Variants in MYRFL observed in about 807,000 individuals in gnomAD.
MYRFL encodes the protein myelin regulatory factor like.
Under a neutral mutation model 109.4 loss-of-function variants are expected in MYRFL, and 88 were observed. The observed-to-expected ratio is 0.80, with a 90% CI of 0.68 to 0.96. The LOEUF (loss-of-function observed/expected upper bound fraction) is 0.96, where lower values mean the gene tolerates loss of function less well. MYRFL is among the 40% of genes least tolerant of loss of function. The pLI is 0.00. For missense variants in MYRFL, 957 were observed against 954.9 expected (o/e 1.00, Z -0.03); for synonymous variants, 324 against 320.9 (o/e 1.01, Z -0.10).
chr12:69,940,121 A>G (rs1175807159), intron 19 of MYRFL, among the ~76,000 whole-genome samples: 1 of 151,940 alleles, frequency 6.6e-6, no homozygotes, highest in African/African-American at 2.4e-5. Flanking sequence ...AAGTTGGAAA[A>G]CACTCTGCAG....
intron 8 of MYRFL, among the ~76,000 whole-genome samples, chr12:69,895,050 T>G (rs576277628): frequency 3.3e-5 from 5 of 152,318 alleles, no homozygotes; most frequent in African/African-American, 1.2e-4. Flanking sequence ...ATGAAAGGTT[T>G]TCTTTCCCCA....
rs183742491 is a variant in MYRFL, at chr12:69,931,731, G to C, written c.1831-782G>C. On this transcript the variant is annotated intron_variant, in intron 15 of 24. Coordinates refer to ENST00000552032, the MANE Select transcript of MYRFL (RefSeq NM_182530.3). ...CATATTTAAGTAGCACCTCATTTAA[G>C]TGGGCAGAAAACTTCTATCTCTTCA... Among the ~76,000 whole-genome samples the C allele has an allele frequency of 3.4e-4, 52 of 152,232 alleles. No individual in the cohort carries two copies. The East Asian group carries it at 8.9e-3, about 26-fold the overall frequency.
chr12:69,901,120 T>C (rs544219788), intron 10 of MYRFL, among the ~76,000 whole-genome samples: 4 of 152,222 alleles, frequency 2.6e-5, no homozygotes, highest in Non-Finnish European at 5.9e-5. Flanking sequence ...ACAGCTAGTT[T>C]GTGTTATAAC....
At chr12:69,935,065 T>G (rs1955403654) in intron 16 of MYRFL, among the ~76,000 whole-genome samples, 2 of 152,086 alleles carry the variant, frequency 1.3e-5, no homozygotes, top group African/African-American at 4.8e-5. Flanking sequence ...CACTATAAAC[T>G]CTCTCTGACA....
intron 1 of MYRFL, among the ~76,000 whole-genome samples, chr12:69,844,790 C>T (rs1247147294): frequency 2.0e-5 from 3 of 152,284 alleles, no homozygotes; most frequent in African/African-American, 2.4e-5. Flanking sequence ...TGTTCTTTTG[C>T]TTGGCTCAGA....
At chr12:69,926,907 A>T (rs570688598) in intron 14 of MYRFL, among the ~76,000 whole-genome samples, 173 bp downstream of exon 14, 1 of 67,386 alleles carries the variant, frequency 1.5e-5, no homozygotes, top group African/African-American at 5.8e-5. Flanking sequence ...TGATGTGATA[A>T]CTTTCTTAGT....
intron 6 of MYRFL, among the ~76,000 whole-genome samples, chr12:69,890,629 G>A (rs1324213797): frequency 6.6e-6 from 1 of 152,182 alleles, no homozygotes; most frequent in African/African-American, 2.4e-5. Flanking sequence ...AGCTTACTCA[G>A]GAGGTTGAGG....
At chr12:69,901,915 A>G (rs1440535838) in intron 10 of MYRFL, among the ~76,000 whole-genome samples, 1 of 130,710 alleles carries the variant, frequency 7.7e-6, no homozygotes, top group African/African-American at 2.8e-5. Context: ...TTTTCTTGAG[A>G]CAGAGTATTG....
At chr12:69,865,687 G>C (rs910072076) in intron 2 of MYRFL, among the ~76,000 whole-genome samples, 1 of 152,074 alleles carries the variant, frequency 6.6e-6, no homozygotes, top group Admixed American at 6.6e-5. Context: ...CTACCTGGGA[G>C]GTCTGAAATC....
In MYRFL at chr12:69,959,056, A is replaced by C. The variant is rs1008278309; in HGVS notation, c.*525A>C. 1 of 153,604 alleles carries C rather than the reference A, an allele frequency of 6.5e-6. No homozygotes were observed. Among genetic ancestry groups the C allele is most frequent in the African/African-American group, 2.4e-5 (1 of 41,456 alleles). The allele number at this position is 153,604 out of a possible 1,614,324, so 9.5% of individuals were successfully genotyped here. ...ATTGTATAAACACATACACTAGAGT[A>C]CAGAATGTAGTTTGTTAATCAAATG... is the stretch of plus-strand genomic sequence containing the variant. On this transcript the variant is annotated 3_prime_UTR_variant, in exon 25 of 25. Coordinates refer to ENST00000552032, the MANE Select transcript of MYRFL (RefSeq NM_182530.3).
chr12:69,925,209 G>A (rs538736916), intron 13 of MYRFL, among the ~76,000 whole-genome samples: 3 of 152,280 alleles, frequency 2.0e-5, no homozygotes, highest in African/African-American at 7.2e-5. Context: ...GTAATTATGG[G>A]AATGAGGTCT....
chr12:69,869,172 CAGT>C (rs1378788770), intron 2 of MYRFL, among the ~76,000 whole-genome samples: 1 of 152,228 alleles, frequency 6.6e-6, no homozygotes, highest in Non-Finnish European at 1.5e-5. Context: ...TAATCCCTGC[CAGT>C]AGCTCCCCAA....
intron 1 of MYRFL, among the ~76,000 whole-genome samples, chr12:69,852,041 A>T (rs1883906911): frequency 6.6e-6 from 1 of 152,350 alleles, no homozygotes; most frequent in African/African-American, 2.4e-5. Context: ...CTAGCTTTAA[A>T]GTCCACGAGT....
chr12:69,888,469 A>T (rs892244370), intron 6 of MYRFL, among the ~76,000 whole-genome samples: 2 of 152,212 alleles, frequency 1.3e-5, no homozygotes, highest in Non-Finnish European at 2.9e-5. Context: ...TTTCTGAATT[A>T]TGTTTCAATG....
chr12:69,849,073 T>C (rs961139389), intron 1 of MYRFL, among the ~76,000 whole-genome samples: 1 of 151,658 alleles, frequency 6.6e-6, no homozygotes, highest in Non-Finnish European at 1.5e-5. Context: ...GGTTTCACCA[T>C]GTTTGCCAGG....
In MYRFL at chr12:69,924,657, G is replaced by C. The variant is rs142180759; in HGVS notation, c.1603-1914G>C. ...CTAGATATTGCTAAATTCTACTCCA[G>C]ATGGTTTTATCAATTTGTTATTTGG... On this transcript the variant is annotated intron_variant, in intron 13 of 24. Transcript: ENST00000552032. Among the ~76,000 whole-genome samples the C allele has an allele frequency of 7.1e-3, 1,078 of 152,298 alleles. 10 individuals are homozygous for C. The highest frequency in any genetic ancestry group is 0.024 in the South Asian group (117 of 4,826).
At chr12:69,927,070 G>A (rs187218346) in intron 14 of MYRFL, among the ~76,000 whole-genome samples, 6 of 149,388 alleles carry the variant, frequency 4.0e-5, no homozygotes, top group Admixed American at 2.0e-4. Flanking sequence ...TCAACCTCCC[G>A]AGTAGCTGGG....
intron 22 of MYRFL, 46 bp downstream of exon 22, chr12:69,955,483 G>A: frequency 1.8e-6 from 1 of 545,900 alleles, no homozygotes; most frequent in Non-Finnish European, 3.2e-6. Flanking sequence ...ATCATTAGTT[G>A]AATATGAAGT....
At chr12:69,838,716 G>A (rs968488412) in intron 1 of MYRFL, among the ~76,000 whole-genome samples, 2 of 152,194 alleles carry the variant, frequency 1.3e-5, no homozygotes, top group African/African-American at 4.8e-5. Context: ...AGGCTTAGCT[G>A]TAAAGTTTCT....
Sources: allele counts gnomAD v4.1 joint callset (sites outside exome capture counted in the v4.1 genomes callset), GRCh38; gene constraint gnomAD v4.1.1; transcripts MANE v1.5; gene names NCBI Gene and HGNC (gene_info 2026-07-23, HGNC 2026-07-21).